The following PCLO variants were observed in gnomAD, a reference collection of about 807,000 sequenced individuals.
PCLO encodes protein piccolo.
In PCLO, 82 loss-of-function variants were observed where a neutral mutation model predicts 427.5. That is an observed-to-expected ratio of 0.19 (90% CI 0.16 to 0.23). The LOEUF (loss-of-function observed/expected upper bound fraction) is 0.23. Among genes scored for constraint, PCLO ranks in the 10% least tolerant of loss-of-function variants. The pLI, the probability that PCLO is intolerant of heterozygous loss-of-function variation, is 1.00. For synonymous variants in PCLO, 2,357 were observed against 2,155.4 expected (o/e 1.09, Z -2.59); for missense variants, 6,239 against 6,115.9 (o/e 1.02, Z -0.67).
At chr7:82,848,305 T>A (rs1042620699) in intron 10 of PCLO, among the ~76,000 whole-genome samples, 1 of 44,356 alleles carries the variant, frequency 2.3e-5, no homozygotes, top group Non-Finnish European at 4.7e-5. Flanking sequence ...CATTAGTTAG[T>A]TTTTTTTTTT....
At chr7:82,845,545 G>T in intron 12 of PCLO, 60 bp from the exon 13 acceptor site, 1 of 1,137,312 alleles carries the variant, frequency 8.8e-7, no homozygotes, top group South Asian at 1.3e-5. Flanking sequence ...TTATACCATG[G>T]AACTATGTGA....
chr7:82,950,358 G>T lies in PCLO; in HGVS notation c.10230C>A (p.Pro3410=), dbSNP rs187798244. ...TDVVVKEEKQ[P]KKRSSGAKVR... is the part of the protein sequence containing the mutation. Reference sequence around the variant, plus strand: ...CTTTAGCTCCAGAACTTCTCTTTTTGGGTTGTTTTTCCTCTTTCACAACAA... The same window carrying T: ...CTTTAGCTCCAGAACTTCTCTTTTTTGGTTGTTTTTCCTCTTTCACAACAA... The change falls in exon 6 of 25, where the codon CCC becomes CCA. Residue 3410 remains proline (P), a synonymous_variant. Coordinates refer to ENST00000333891, the MANE Select transcript of PCLO (RefSeq NM_033026.6). 13 of 1,613,472 alleles carry T rather than the reference G, an allele frequency of 8.1e-6. No homozygotes were observed. In the Admixed American group the frequency reaches 8.3e-5, roughly 10 times the overall value.
At chr7:82,832,667 T>C (rs1260967593) in intron 16 of PCLO, among the ~76,000 whole-genome samples, 4 of 152,136 alleles carry the variant, frequency 2.6e-5, no homozygotes, top group South Asian at 2.1e-4. Context: ...TATTTTTTAA[T>C]TTCAAAAGAA....
At chr7:83,157,220 T>C (rs182111754) in intron 1 of PCLO, among the ~76,000 whole-genome samples, 1 of 152,304 alleles carries the variant, frequency 6.6e-6, no homozygotes, top group African/African-American at 2.4e-5. Flanking sequence ...TGAGAATTTC[T>C]ACATTCATTA....
intron 22 of PCLO, among the ~76,000 whole-genome samples, chr7:82,789,655 A>C (rs1791059633): frequency 6.6e-6 from 1 of 152,210 alleles, no homozygotes; most frequent in Non-Finnish European, 1.5e-5. Flanking sequence ...CAGTGAGTCG[A>C]GATCGCACCA....
In PCLO at chr7:83,026,618, A is replaced by G. The variant is rs1208678268; in HGVS notation, c.3301-60131T>C. Among the ~76,000 whole-genome samples, 4 of 151,892 alleles carry G rather than the reference A, an allele frequency of 2.6e-5. No individual in the cohort carries two copies. In the East Asian group the frequency reaches 7.8e-4, roughly 30 times the overall value. On this transcript the variant is annotated intron_variant, in intron 3 of 24. Coordinates refer to ENST00000333891, the MANE Select transcript of PCLO (RefSeq NM_033026.6). ...CACCAAGCAGACCTAATAGACATCT[A>G]CAGAACTCTCCACCCCAAATCAACA...
chr7:82,970,086 T>C (rs374699564), intron 3 of PCLO, among the ~76,000 whole-genome samples: 2 of 152,058 alleles, frequency 1.3e-5, no homozygotes, highest in African/African-American at 4.8e-5. Flanking sequence ...AGTTAAGAGA[T>C]GAGGCACAGC....
At position 82,998,693 on chromosome 7, in the gene PCLO, A is replaced by C. The variant is rs536940866; in HGVS notation, c.3301-32206T>G. Among the ~76,000 whole-genome samples the C allele has an allele frequency of 2.2e-4, 33 of 152,060 alleles. 1 individual carries two copies. In the South Asian group the frequency reaches 6.6e-3, roughly 31 times the overall value. On this transcript the variant is annotated intron_variant, in intron 3 of 24. Coordinates refer to ENST00000333891, the MANE Select transcript of PCLO (RefSeq NM_033026.6). ...TTAGAGAATGCTTTCTCTGCCCCAC[A>C]CCTTACCACCACATTACTAAAGGCC...
At chr7:82,770,267 T>C (rs1229667293) in intron 22 of PCLO, among the ~76,000 whole-genome samples, 7 of 152,080 alleles carry the variant, frequency 4.6e-5, no homozygotes, top group African/African-American at 7.2e-5. Context: ...AAAAATTAGA[T>C]TTTCAATTGA....
intron 2 of PCLO, among the ~76,000 whole-genome samples, chr7:83,147,178 A>C (rs1277868010): frequency 6.6e-6 from 1 of 152,102 alleles, no homozygotes; most frequent in Non-Finnish European, 1.5e-5. Context: ...AATCCAGGGA[A>C]TATCCAAATC....
Position 82,915,186 on chromosome 7 carries a change from A to G in PCLO, c.12800T>C (p.Leu4267Ser), listed in dbSNP as rs141529596. 772 of 1,607,828 alleles carry G rather than the reference A, an allele frequency of 4.8e-4. 10 individuals are homozygous for G. In the East Asian group the frequency reaches 0.016, roughly 34 times the overall value. The change falls in exon 7 of 25, where the codon TTA becomes TCA. Residue 4267 changes from leucine to serine, a missense_variant. Leu to Ser is a moderately radical substitution (Grantham distance 145, BLOSUM62 -2). Transcript: ENST00000333891. ...GSSLGTGLGT[L>S]GNTIRSALQD... ...CAGAGCTGAGCGTATGGTATTTCCT[A>G]ATGTGCCCAGTCCTGTGCCAAGAGA...
At chr7:82,995,499 T>C (rs1030688250) in intron 3 of PCLO, among the ~76,000 whole-genome samples, 2 of 151,976 alleles carry the variant, frequency 1.3e-5, no homozygotes, top group African/African-American at 4.8e-5. Flanking sequence ...GGCTGGAATA[T>C]GAGAAAATGC....
chr7:82,867,237 C>T (rs1338040204), intron 10 of PCLO, among the ~76,000 whole-genome samples: 3 of 152,100 alleles, frequency 2.0e-5, no homozygotes, highest in Non-Finnish European at 2.9e-5. Flanking sequence ...CCTGTCTCTA[C>T]AAAAAATTTA....
chr7:82,995,814 G>A (rs1007328817), intron 3 of PCLO, among the ~76,000 whole-genome samples: 2 of 151,830 alleles, frequency 1.3e-5, no homozygotes, highest in Non-Finnish European at 2.9e-5. Context: ...CATATATAAA[G>A]TACTTAGATC....
intron 6 of PCLO, among the ~76,000 whole-genome samples, chr7:82,925,452 T>C (rs1296968896): frequency 6.6e-6 from 1 of 152,102 alleles, no homozygotes; most frequent in Non-Finnish European, 1.5e-5. Context: ...TTTCACTCTA[T>C]GAAATGTCAA....
At chr7:83,079,382 T>C (rs1790037700) in intron 3 of PCLO, among the ~76,000 whole-genome samples, 1 of 152,082 alleles carries the variant, frequency 6.6e-6, no homozygotes, top group Non-Finnish European at 1.5e-5. Context: ...AATAACCAGC[T>C]TTCATTTTGC....
At chr7:82,760,826 T>A (rs1415903636) in intron 23 of PCLO, 42 bp from the exon 24 acceptor site, 3 of 1,094,956 alleles carry the variant, frequency 2.7e-6, no homozygotes, top group South Asian at 3.4e-5. Context: ...ATCAATCATA[T>A]AAATTTCTAT....
At chr7:83,162,256 T>C (rs1792457785) in intron 1 of PCLO, 89 bp downstream of exon 1, 18 of 1,428,960 alleles carry the variant, frequency 1.3e-5, no homozygotes, top group Non-Finnish European at 1.6e-5. Context: ...GACATATATG[T>C]ACCGCCGTGC....
chr7:82,908,895 G>T lies in PCLO; in HGVS notation c.13419C>A (p.Leu4473=), dbSNP rs1269811901. 1 of 1,612,312 alleles carries T rather than the reference G, an allele frequency of 6.2e-7. No individual in the cohort carries two copies. The highest frequency in any genetic ancestry group is 8.5e-7 in the Non-Finnish European group (1 of 1,178,924). Residue 4473 remains leucine, a synonymous_variant, in exon 8 of 25, where the codon CTC becomes CTA. Coordinates refer to ENST00000333891, the MANE Select transcript of PCLO (RefSeq NM_033026.6). ...CACTTACTTGCTCTTGATGTTGACTGAGTGGTCTAGAGTGGACCAATCTTT... is the reference window on the plus strand; with the variant it reads ...CACTTACTTGCTCTTGATGTTGACTTAGTGGTCTAGAGTGGACCAATCTTT... ...LPERLVHSRP[L]SQHQEQIIQM... is the part of the protein sequence containing the mutation.
Sources: allele counts gnomAD v4.1 joint callset (sites outside exome capture counted in the v4.1 genomes callset), GRCh38; gene constraint gnomAD v4.1.1; transcripts MANE v1.5; gene names NCBI Gene and HGNC (gene_info 2026-07-23, HGNC 2026-07-21).